Variants in ABCC5 observed in about 807,000 individuals in gnomAD.
ABCC5 encodes ATP-binding cassette sub-family C member 5.
ABCC5 carries 61 observed loss-of-function variants against 160.9 expected under a neutral mutation model. The ratio of observed to expected loss-of-function variants is 0.38; its 90% confidence interval spans 0.31 to 0.47. The LOEUF (loss-of-function observed/expected upper bound fraction) is 0.47, where lower values mean the gene tolerates loss of function less well. ABCC5 is among the 20% of genes least tolerant of loss of function. The pLI is 0.99. For synonymous variants in ABCC5, 666 were observed against 700.6 expected (o/e 0.95, Z 0.78); for missense variants, 1,308 against 1,813.3 (o/e 0.72, Z 5.06).
intron 26 of ABCC5, among the ~76,000 whole-genome samples, chr3:183,933,321 C>T (rs774214687): frequency 1.3e-5 from 2 of 152,118 alleles, no homozygotes; most frequent in Non-Finnish European, 2.9e-5. Flanking sequence ...GGGACGAAGA[C>T]TCAAGAGACA....
At chr3:183,994,202 ACTT>A (rs1461725137) in intron 2 of ABCC5, among the ~76,000 whole-genome samples, 2 of 150,962 alleles carry the variant, frequency 1.3e-5, no homozygotes, top group Non-Finnish European at 3.0e-5. Context: ...TGGAGATCTC[ACTT>A]CTTGTTTAAC....
At chr3:183,941,845 G>A (rs1334366561) in intron 25 of ABCC5, among the ~76,000 whole-genome samples, 2 of 151,618 alleles carry the variant, frequency 1.3e-5, no homozygotes, top group Non-Finnish European at 2.9e-5. Context: ...ATTAGCTGGC[G>A]CCCCTGTAGT....
At chr3:183,946,258 G>A (rs1714829734) in intron 23 of ABCC5, among the ~76,000 whole-genome samples, 1 of 152,214 alleles carries the variant, frequency 6.6e-6, no homozygotes, top group South Asian at 2.1e-4. Context: ...ATCTGAGCCT[G>A]TTTGTGGGAG....
At chr3:183,990,101 C>A (rs1231544834) in intron 2 of ABCC5, among the ~76,000 whole-genome samples, 3 of 151,578 alleles carry the variant, frequency 2.0e-5, no homozygotes, top group Admixed American at 6.6e-5. Context: ...CCGCGCCCGG[C>A]CCTGTTTTTA....
At chr3:183,966,108 C>A (rs919345200) in intron 12 of ABCC5, among the ~76,000 whole-genome samples, 1 of 152,174 alleles carries the variant, frequency 6.6e-6, no homozygotes, top group African/African-American at 2.4e-5. Context: ...CATTTTACCC[C>A]CTTCCATGAT....
In ABCC5 at chr3:183,921,787, T is replaced by C. The variant is rs1213775033; in HGVS notation, c.4213-386A>G. 1.3e-5 allele frequency among the ~76,000 whole-genome samples: 2 copies of C among 152,070 alleles called. No homozygotes were observed. The highest frequency in any genetic ancestry group is 2.9e-5 in the Non-Finnish European group (2 of 68,010). On this transcript the variant is annotated intron_variant, in intron 29 of 29. Coordinates refer to ENST00000334444, the MANE Select transcript of ABCC5 (RefSeq NM_005688.4). This position sits in a 1 kb window ranked among gnomAD's most constrained non-coding sequence, Gnocchi z 4.1. Reference sequence around the variant, plus strand: ...GCTCACGCCTGTAATCTCAACACTTTGGGAGGCTGAGGTGGGCAGACTGCC... The same window carrying C: ...GCTCACGCCTGTAATCTCAACACTTCGGGAGGCTGAGGTGGGCAGACTGCC...
At chr3:183,937,724 T>C (rs569311803) in intron 26 of ABCC5, among the ~76,000 whole-genome samples, 177 bp downstream of exon 26, 2 of 152,238 alleles carry the variant, frequency 1.3e-5, no homozygotes, top group African/African-American at 2.4e-5. Context: ...CCAAGTGGCA[T>C]TGTGAGTGGT....
At position 183,961,545 on chromosome 3, in the gene ABCC5, T is replaced by C. The variant is rs753710005; in HGVS notation, c.2345A>G (p.Asn782Ser). The C allele has an allele frequency of 2.5e-6, 4 of 1,614,232 alleles. No individual in the cohort carries two copies. The highest frequency in any genetic ancestry group is 4.5e-5 in the East Asian group (2 of 44,892). ...NLNGDYATIF[N>S]NLLLGETPPV... ...CGGTGTCTCTCCCAGCAACAGGTTA[T>C]TAAAAATGGTAGCATAGTCACCATT... Residue 782 changes from asparagine (N) to serine (S), a missense_variant, in exon 16 of 30, where the codon AAT (asparagine) becomes AGT (serine). Asn to Ser is a conservative substitution (Grantham distance 46, BLOSUM62 1). This residue lies in a region of ABCC5 where 1,142 missense variants were observed against 1,527.1 expected (regional missense o/e 0.75). Transcript: ENST00000334444.
intron 24 of ABCC5, 106 bp downstream of exon 24, chr3:183,945,744 A>T: frequency 1.2e-6 from 1 of 834,520 alleles, no homozygotes; most frequent in South Asian, 1.3e-5. Flanking sequence ...GGGATTAGAT[A>T]GGCAGAGAAC....
chr3:183,945,795 G>T, intron 24 of ABCC5, 55 bp downstream of exon 24: 1 of 1,486,002 alleles, frequency 6.7e-7, no homozygotes, highest in Non-Finnish European at 9.4e-7. Flanking sequence ...GCAGCAAAGG[G>T]TAAACCGACT....
At chr3:183,973,375 CTACAGAATGCTA>C (rs1717942089) in intron 10 of ABCC5, among the ~76,000 whole-genome samples, 1 of 151,994 alleles carries the variant, frequency 6.6e-6, no homozygotes, top group Non-Finnish European at 1.5e-5. Flanking sequence ...GTGATCTTCT[CTACAGAATGCTA>C]TACCAGTTGG....
At chr3:184,015,430 G>A (rs548502225) in intron 1 of ABCC5, among the ~76,000 whole-genome samples, 3 of 152,292 alleles carry the variant, frequency 2.0e-5, no homozygotes, top group Admixed American at 6.5e-5. Context: ...AAGACGTGTA[G>A]CCGTGTCGCC....
intron 29 of ABCC5, among the ~76,000 whole-genome samples, chr3:183,924,957 A>G (rs1054926626): frequency 2.0e-5 from 3 of 152,234 alleles, no homozygotes; most frequent in Admixed American, 6.5e-5. Context: ...CTAAAGACAG[A>G]TAAAAAGCTT....
chr3:183,942,591 G>C (rs1714476476), intron 25 of ABCC5, 136 bp downstream of exon 25: 1 of 1,102,324 alleles, frequency 9.1e-7, no homozygotes, highest in Admixed American at 2.0e-5. Flanking sequence ...AATAAACCTA[G>C]AAAATTGGTT....
chr3:183,955,670 C>CCA (rs200923350), intron 17 of ABCC5, among the ~76,000 whole-genome samples: 3 of 145,702 alleles, frequency 2.1e-5, no homozygotes, highest in East Asian at 2.1e-4. Context: ...ACATGCAGAT[C>CCA]TGTGTATATA....
chr3:183,955,569 T>C (rs1424293786), intron 17 of ABCC5, among the ~76,000 whole-genome samples: 1 of 152,278 alleles, frequency 6.6e-6, no homozygotes, highest in African/African-American at 2.4e-5. Flanking sequence ...AGGAAGATTT[T>C]CCCTGTTTTG....
intron 2 of ABCC5, among the ~76,000 whole-genome samples, chr3:184,011,591 G>A (rs1384348204): frequency 6.6e-6 from 1 of 152,152 alleles, no homozygotes; most frequent in Admixed American, 6.6e-5. Flanking sequence ...ACAAAATCCT[G>A]TAACTGAAGG....
chr3:183,988,985 G>A lies in ABCC5; in HGVS notation c.287+241C>T, dbSNP rs1333079892. On this transcript the variant is annotated intron_variant, in intron 3 of 29. Coordinates refer to ENST00000334444, the MANE Select transcript of ABCC5 (RefSeq NM_005688.4). The surrounding 1 kb of genome is among the most constrained non-coding windows in gnomAD (Gnocchi z 4.4). ...TTGAGACTATCCTGGCCAATATGGT[G>A]TAACCCCGTCTCTACTAAAAATACA... 6.6e-6 allele frequency among the ~76,000 whole-genome samples: 1 copy of A among 151,936 alleles called. No individual in the cohort carries two copies. The highest frequency in any genetic ancestry group is 1.5e-5 in the Non-Finnish European group (1 of 68,008).
intron 11 of ABCC5, among the ~76,000 whole-genome samples, chr3:183,971,253 A>C (rs1717710960): frequency 6.6e-6 from 1 of 152,232 alleles, no homozygotes; most frequent in Non-Finnish European, 1.5e-5. Context: ...AACAATCAGA[A>C]ATAATTGTCA....
Sources: allele counts gnomAD v4.1 joint callset (sites outside exome capture counted in the v4.1 genomes callset), GRCh38; gene constraint gnomAD v4.1.1; regional missense constraint gnomAD v4.1.1; non-coding constraint Gnocchi (gnomAD v3.1); transcripts MANE v1.5; gene names NCBI Gene and HGNC (gene_info 2026-07-23, HGNC 2026-07-21).